The following NQO2 variants were observed in gnomAD, a reference collection of about 807,000 sequenced individuals.
NQO2 encodes the protein ribosyldihydronicotinamide dehydrogenase [quinone].
A neutral mutation model predicts 22.0 loss-of-function variants in NQO2; 18 were observed. That is an observed-to-expected ratio of 0.82 (90% confidence interval 0.56 to 1.21). The LOEUF (loss-of-function observed/expected upper bound fraction) is 1.21, where lower values mean the gene tolerates loss of function less well. Ranked by LOEUF, NQO2 falls within the 50% of genes most tolerant of loss-of-function variation. The probability of loss-of-function intolerance (pLI) is 0.00; values close to 1 mark genes in which losing one functional copy is unlikely to be tolerated. For missense variants in NQO2, 267 were observed against 286.9 expected, an observed-to-expected ratio of 0.93 and a Z score of 0.50; for synonymous variants, 106 against 110.8, an observed-to-expected ratio of 0.96 and a Z score of 0.28.
chr6:3,004,542 T>C, intron 1 of NQO2: 1 of 985,612 alleles, frequency 1.0e-6, no homozygotes, highest in Non-Finnish European at 1.2e-6. Flanking sequence ...ACCTCACTTC[T>C]TGCAGTATTC....
chr6:3,008,660 A>G (rs137878635), intron 2 of NQO2, among the ~76,000 whole-genome samples: 159 of 152,288 alleles, frequency 1.0e-3, no homozygotes, highest in African/African-American at 3.7e-3. Context: ...ATTGGGCGAA[A>G]TTCACCCCCA....
rs58717109 is a variant in NQO2, at chr6:3,004,220, G to A, written c.-85-2248G>A. On this transcript the variant is annotated intron_variant, in intron 1 of 6. Transcript: ENST00000380455. ...ACTGCAAGGCAGCCTAGGAAATGTA[G>A]TGCTTACCTGTACACGTGGATTCCT... 5,523 of 541,562 alleles carry A rather than the reference G, an allele frequency of 0.01. 282 individuals are homozygous for A. The African/African-American group carries it at 0.11, about 11-fold the overall frequency. The allele number at this position is 541,562 out of a possible 1,614,324, so 33.5% of individuals were successfully genotyped here. A position where few individuals can be genotyped will look rare whatever the true frequency, so the allele number is the denominator to read the frequency against.
At chr6:3,003,859 A>C in intron 1 of NQO2, 1 of 385,166 alleles carries the variant, frequency 2.6e-6, no homozygotes, top group Non-Finnish European at 3.5e-6. Context: ...CTACAGACTC[A>C]GTGCCATTGT....
At chr6:3,017,061 C>T in intron 6 of NQO2, 76 bp downstream of exon 6, 1 of 1,488,092 alleles carries the variant, frequency 6.7e-7, no homozygotes, top group Middle Eastern at 2.3e-4. Flanking sequence ...CATGCATACA[C>T]ACACACACGC....
intron 2 of NQO2, among the ~76,000 whole-genome samples, chr6:3,009,334 T>G (rs529691158): frequency 6.6e-6 from 1 of 152,338 alleles, no homozygotes; most frequent in African/African-American, 2.4e-5. Flanking sequence ...TAAGGTTATC[T>G]CTCTTGTTCC....
chr6:3,009,942 C>T, intron 2 of NQO2, 83 bp from the exon 3 acceptor site: 1 of 1,509,988 alleles, frequency 6.6e-7, no homozygotes. Flanking sequence ...TGCACCTGAA[C>T]ATTCAATTTT....
intron 3 of NQO2, among the ~76,000 whole-genome samples, chr6:3,010,947 T>C (rs1296020082): frequency 1.0e-5 from 1 of 97,992 alleles, no homozygotes; most frequent in Non-Finnish European, 2.3e-5. Context: ...GGTGGCTTAG[T>C]AGAGGAAAAA....
chr6:3,006,819 T>C lies in NQO2; in HGVS notation c.7+260T>C, dbSNP rs1378472345. 2.2e-6 allele frequency: 1 copy of C among 453,572 alleles called. No individual in the cohort carries two copies. Among genetic ancestry groups the C allele is most frequent in the East Asian group, 3.5e-5 (1 of 28,890 alleles). 28.1% of individuals were successfully genotyped at this position (453,572 alleles called of 1,614,324 possible). A position where few individuals can be genotyped will look rare whatever the true frequency, so the allele number is the denominator to read the frequency against. ...TGTTCCTTTCGACTCCCTCCAGAAT[T>C]TAGGTTCCTCAAAAGTGGGGCCCTG... is the stretch of plus-strand genomic sequence containing the variant. On this transcript the variant is annotated intron_variant, in intron 2 of 6. Coordinates refer to ENST00000380455, the MANE Select transcript of NQO2 (RefSeq NM_000904.6). The surrounding 1 kb of genome is among the most constrained non-coding windows in gnomAD (Gnocchi z 4.0).
intron 1 of NQO2, among the ~76,000 whole-genome samples, chr6:3,003,026 C>A (rs1756792186): frequency 6.6e-6 from 1 of 152,110 alleles, no homozygotes; most frequent in East Asian, 1.9e-4. Context: ...AAGTGCTGGG[C>A]CTTCTGCTTC....
intron 6 of NQO2, among the ~76,000 whole-genome samples, chr6:3,017,428 C>T (rs1042268027): frequency 1.3e-5 from 2 of 152,198 alleles, no homozygotes; most frequent in African/African-American, 4.8e-5. Context: ...CACCCCAGGC[C>T]CTGCATTCTG....
chr6:3,007,049 C>G (rs139847526), intron 2 of NQO2: 113 of 394,906 alleles, frequency 2.9e-4, no homozygotes, highest in African/African-American at 2.1e-3. Flanking sequence ...ACATGGAGAG[C>G]CTTTCGTGTT....
At position 3,017,101 on chromosome 6, in the gene NQO2, G is replaced by GGGTGA. The variant is rs570581537; in HGVS notation, c.519+118_519+122dup. 5.6e-5 allele frequency: 68 copies of GGGTGA among 1,221,298 alleles called. 2 individuals are homozygous for GGGTGA. The South Asian group carries it at 8.7e-4, about 16-fold the overall frequency. 75.7% of individuals were successfully genotyped at this position (1,221,298 alleles called of 1,614,324 possible). A position where few individuals can be genotyped will look rare whatever the true frequency, so the allele number is the denominator to read the frequency against. ...ACATACATGCCCTCAGCTCCCCGAG[G>GGGTGA]GGTGAGATGAGATGGGATGGAAGCG... On this transcript the variant is annotated intron_variant, in intron 6 of 6. Coordinates refer to ENST00000380455, the MANE Select transcript of NQO2 (RefSeq NM_000904.6).
At chr6:3,016,751 C>G in intron 5 of NQO2, 133 bp from the exon 6 acceptor site, 1 of 1,475,154 alleles carries the variant, frequency 6.8e-7, no homozygotes, top group African/African-American at 1.4e-5. Context: ...GGGAGTGTTG[C>G]ATTTGTCCAT....
intron 1 of NQO2, among the ~76,000 whole-genome samples, chr6:3,001,482 C>A (rs924340278): frequency 3.0e-4 from 46 of 151,896 alleles, no homozygotes; most frequent in Non-Finnish European, 5.3e-4. Context: ...TGAAAAGGAA[C>A]AAGTATTAAA....
Position 3,006,573 on chromosome 6 carries a change from A to G in NQO2, c.7+14A>G, listed in dbSNP as rs4149360. Reference sequence around the variant, plus strand: ...ACGCTATGGCAGGTAATGATTCACTATTGTGGAGTAAGACTTTTTTTTTTT... The same window carrying G: ...ACGCTATGGCAGGTAATGATTCACTGTTGTGGAGTAAGACTTTTTTTTTTT... On this transcript the variant is annotated intron_variant, in intron 2 of 6. Transcript: ENST00000380455. This position sits in a 1 kb window ranked among gnomAD's most constrained non-coding sequence, Gnocchi z 4.0. 0.2 allele frequency: 320,513 copies of G among 1,588,476 alleles called. 34,947 individuals carry two copies. Among genetic ancestry groups the G allele is most frequent in the Non-Finnish European group, 0.22 (262,040 of 1,169,464 alleles).
Position 3,012,623 on chromosome 6 carries a change from C to T in NQO2, c.252C>T (p.Asp84=), listed in dbSNP as rs1193456331. ...ACAAGCAAAGGTCTCTGGCTAGCGA[C>T]ATCACTGATGAGCAGAAAAAGGTTC... is the stretch of plus-strand genomic sequence containing the variant. ...EAYKQRSLAS[D]ITDEQKKVRE... Residue 84 remains aspartate, a synonymous_variant, in exon 4 of 7, where the codon GAC becomes GAT. Coordinates refer to ENST00000380455, the MANE Select transcript of NQO2 (RefSeq NM_000904.6). 2 of 1,613,980 alleles carry T rather than the reference C, an allele frequency of 1.2e-6. No individual in the cohort carries two copies. Among genetic ancestry groups the T allele is most frequent in the Admixed American group, 1.7e-5 (1 of 59,996 alleles).
rs749657168 is a variant in NQO2, at chr6:3,019,543, T to G, written c.584T>G (p.Ile195Ser). The G allele has an allele frequency of 6.2e-7, 1 of 1,614,146 alleles. No homozygotes were observed. Residue 195 changes from isoleucine (I) to serine (S), a missense_variant, in exon 7 of 7, where the codon ATT becomes AGT. Coordinates refer to ENST00000380455, the MANE Select transcript of NQO2 (RefSeq NM_000904.6). ...LAPQISFAPE[I>S]ASEEERKGMV... The stretch of plus-strand genomic sequence containing the variant: ...CCTCAGATCAGCTTTGCTCCTGAAA[T>G]TGCATCCGAAGAAGAAAGAAAGGGG...
At chr6:3,009,209 T>G (rs1757062792) in intron 2 of NQO2, among the ~76,000 whole-genome samples, 1 of 152,330 alleles carries the variant, frequency 6.6e-6, no homozygotes, top group Non-Finnish European at 1.5e-5. Context: ...GGACGCATTC[T>G]CTTTCTCAGG....
intron 2 of NQO2, among the ~76,000 whole-genome samples, chr6:3,008,531 C>G: frequency 6.6e-6 from 1 of 152,174 alleles, no homozygotes; most frequent in East Asian, 1.9e-4. Context: ...GGGTGGATCA[C>G]TTGAGGCCAG....
Sources: allele counts gnomAD v4.1 joint callset (sites outside exome capture counted in the v4.1 genomes callset), GRCh38; gene constraint gnomAD v4.1.1; non-coding constraint Gnocchi (gnomAD v3.1); transcripts MANE v1.5; gene names NCBI Gene and HGNC (gene_info 2026-07-23, HGNC 2026-07-21).